PLEKHA5: variants seen among roughly 807,000 people sequenced by gnomAD.
PLEKHA5 encodes the protein pleckstrin homology domain containing A5.
PLEKHA5 carries 55 observed loss-of-function variants against 181.9 expected under a neutral mutation model. That is an observed-to-expected ratio of 0.30 (90% CI 0.24 to 0.38). The LOEUF (loss-of-function observed/expected upper bound fraction) is 0.38. Ranked by LOEUF, PLEKHA5 falls within the 10% of genes least tolerant of loss-of-function variation. The pLI is 1.00. For synonymous variants in PLEKHA5, 535 were observed against 529.4 expected (o/e 1.01, Z -0.15); for missense variants, 1,432 against 1,549.5 (o/e 0.92, Z 1.27).
intron 15 of PLEKHA5, among the ~76,000 whole-genome samples, chr12:19,302,051 A>G (rs766540095): frequency 2.0e-5 from 3 of 152,190 alleles, no homozygotes; most frequent in Admixed American, 2.0e-4. Context: ...TGCACATCTT[A>G]AGAGCTTATT....
intron 3 of PLEKHA5, among the ~76,000 whole-genome samples, chr12:19,134,227 GTTTAC>G (rs1464078392): frequency 6.6e-6 from 1 of 151,918 alleles, no homozygotes; most frequent in Non-Finnish European, 1.5e-5. Context: ...TTTCTTTTAT[GTTTAC>G]TTAAACAAAT....
At chr12:19,227,184 CAG>C (rs1253805716) in intron 3 of PLEKHA5, among the ~76,000 whole-genome samples, 1 of 151,956 alleles carries the variant, frequency 6.6e-6, no homozygotes, top group African/African-American at 2.4e-5. Flanking sequence ...TTGGGGGTCA[CAG>C]AATGTGATAG....
intron 15 of PLEKHA5, among the ~76,000 whole-genome samples, chr12:19,296,465 T>C (rs1267250795): frequency 1.3e-5 from 2 of 151,234 alleles, no homozygotes; most frequent in Non-Finnish European, 2.9e-5. Context: ...TGAGAATCAC[T>C]TGAAGCTAGG....
At chr12:19,197,725 TG>T (rs2053223701) in intron 3 of PLEKHA5, among the ~76,000 whole-genome samples, 2 of 120,836 alleles carry the variant, frequency 1.7e-5, no homozygotes, top group Non-Finnish European at 3.3e-5. Context: ...TGTGTGTGTG[TG>T]TGTGTGTTTA....
chr12:19,340,371 G>A (rs1331179958), intron 21 of PLEKHA5, among the ~76,000 whole-genome samples: 7 of 144,324 alleles, frequency 4.9e-5, no homozygotes, highest in Non-Finnish European at 9.3e-5. Flanking sequence ...GAGGCGGGGA[G>A]GTCAGCCCCC....
At chr12:19,182,685 A>T (rs1411667680) in intron 3 of PLEKHA5, among the ~76,000 whole-genome samples, 5 of 152,194 alleles carry the variant, frequency 3.3e-5, no homozygotes, top group Admixed American at 6.5e-5. Flanking sequence ...AGTAATGGAG[A>T]AGAAATAAAA....
chr12:19,300,236 A>G (rs769087665), intron 15 of PLEKHA5, among the ~76,000 whole-genome samples: 2 of 152,296 alleles, frequency 1.3e-5, no homozygotes, highest in Non-Finnish European at 2.9e-5. Context: ...ATCTTTTAAA[A>G]ATTCTATTTT....
chr12:19,137,455 A>G (rs1308675125), intron 3 of PLEKHA5, among the ~76,000 whole-genome samples: 1 of 152,234 alleles, frequency 6.6e-6, no homozygotes, highest in African/African-American at 2.4e-5. Context: ...TGGACTGTTA[A>G]TATGTGATTC....
chr12:19,292,681 G>A (rs980925725), intron 15 of PLEKHA5, among the ~76,000 whole-genome samples: 2 of 152,204 alleles, frequency 1.3e-5, no homozygotes, highest in African/African-American at 2.4e-5. Context: ...GCTCCCGCCT[G>A]TAATCCCAGC....
At chr12:19,265,622 G>T in intron 7 of PLEKHA5, 128 bp from the exon 8 acceptor site, 1 of 596,800 alleles carries the variant, frequency 1.7e-6, no homozygotes, top group Non-Finnish European at 3.0e-6. Flanking sequence ...ACCTTATAAA[G>T]GCCTGCCTGA....
intron 3 of PLEKHA5, among the ~76,000 whole-genome samples, chr12:19,250,426 C>T (rs988518875): frequency 1.3e-5 from 2 of 152,008 alleles, no homozygotes; most frequent in Admixed American, 1.3e-4. Flanking sequence ...TCTACTAAAA[C>T]TACAAAATTA....
chr12:19,162,490 C>G (rs993263799), intron 3 of PLEKHA5, among the ~76,000 whole-genome samples: 15 of 151,532 alleles, frequency 9.9e-5, no homozygotes, highest in Non-Finnish European at 1.8e-4. Context: ...ACCTTGTACC[C>G]TTTAAAAAAG....
At chr12:19,315,367 A>G (rs1350920941) in intron 16 of PLEKHA5, among the ~76,000 whole-genome samples, 1 of 152,180 alleles carries the variant, frequency 6.6e-6, no homozygotes, top group African/African-American at 2.4e-5. Context: ...GTACTATGGT[A>G]TGGTAAAACT....
intron 3 of PLEKHA5, among the ~76,000 whole-genome samples, chr12:19,169,324 C>G (rs149007535): frequency 6.6e-4 from 100 of 151,918 alleles, no homozygotes; most frequent in African/African-American, 2.2e-3. Flanking sequence ...GTTAGTGTTG[C>G]TTGCCTAGGT....
At chr12:19,308,731 T>A (rs567866777) in intron 15 of PLEKHA5, among the ~76,000 whole-genome samples, 4 of 152,198 alleles carry the variant, frequency 2.6e-5, no homozygotes, top group Admixed American at 6.5e-5. Context: ...TTAACATAGT[T>A]CCATCTGGAA....
intron 3 of PLEKHA5, among the ~76,000 whole-genome samples, chr12:19,145,402 C>G (rs2038658391): frequency 6.6e-6 from 1 of 152,050 alleles, no homozygotes; most frequent in Admixed American, 6.6e-5. Flanking sequence ...CCCTTCTACC[C>G]CATACTCTGC....
chr12:19,280,634 CTTGGTTCA>C (rs913611037), intron 11 of PLEKHA5, among the ~76,000 whole-genome samples: 77 of 152,144 alleles, frequency 5.1e-4, no homozygotes, highest in Admixed American at 4.4e-3. Flanking sequence ...CTTCCACATA[CTTGGTTCA>C]TTGAATTCTG....
At chr12:19,197,155 T>C (rs1416888579) in intron 3 of PLEKHA5, among the ~76,000 whole-genome samples, 2 of 152,150 alleles carry the variant, frequency 1.3e-5, no homozygotes, top group African/African-American at 4.8e-5. Flanking sequence ...GCGTTCAGCA[T>C]CGTTGAGCCT....
chr12:19,202,468 G>A (rs1693660283), intron 3 of PLEKHA5, among the ~76,000 whole-genome samples: 1 of 152,026 alleles, frequency 6.6e-6, no homozygotes, highest in African/African-American at 2.4e-5. Flanking sequence ...ATTTAGGGAG[G>A]TTTTACAGAC....
Sources: allele counts gnomAD v4.1 joint callset (sites outside exome capture counted in the v4.1 genomes callset), GRCh38; gene constraint gnomAD v4.1.1; transcripts MANE v1.5; gene names NCBI Gene and HGNC (gene_info 2026-07-23, HGNC 2026-07-21).